Variants in TMEM61 observed in about 807,000 individuals in gnomAD.
TMEM61 encodes transmembrane protein 61.
A neutral mutation model predicts 12.0 loss-of-function variants in TMEM61; 13 were observed. The ratio of observed to expected loss-of-function variants is 1.08; its 90% CI spans 0.70 to 1.72. The LOEUF (loss-of-function observed/expected upper bound fraction) is 1.72, where lower values mean the gene tolerates loss of function less well. Ranked by LOEUF, TMEM61 falls within the 40% of genes most tolerant of loss-of-function variation. TMEM61 has a pLI of 0.00. For missense variants in TMEM61, 249 were observed against 276.9 expected, an observed-to-expected ratio of 0.90 and a Z score of 0.71; for synonymous variants, 109 against 121.4, an observed-to-expected ratio of 0.90 and a Z score of 0.67.
In TMEM61 at chr1:54,992,134, A is replaced by G. The variant is rs766382081; in HGVS notation, c.*31A>G. On this transcript the variant is annotated 3_prime_UTR_variant, in exon 3 of 3. Coordinates refer to ENST00000371268, the MANE Select transcript of TMEM61 (RefSeq NM_182532.3). ...CCTAGCAGGTCCTGAATCCAGAGACAAAAATGCCGTGCCTTCTCCAGAGTC... is the reference window on the plus strand; with the variant it reads ...CCTAGCAGGTCCTGAATCCAGAGACGAAAATGCCGTGCCTTCTCCAGAGTC... The G allele has an allele frequency of 3.1e-6, 5 of 1,599,566 alleles. No individual in the cohort carries two copies. The South Asian group carries it at 5.6e-5, about 18-fold the overall frequency.
intron 1 of TMEM61, among the ~76,000 whole-genome samples, chr1:54,983,660 T>A (rs1054632136): frequency 2.0e-5 from 3 of 152,126 alleles, no homozygotes; most frequent in African/African-American, 7.2e-5. Flanking sequence ...TGCCCACCTG[T>A]AGGGAGGCAG....
intron 1 of TMEM61, among the ~76,000 whole-genome samples, chr1:54,983,811 C>G (rs974697873): frequency 2.6e-5 from 4 of 152,114 alleles, no homozygotes; most frequent in African/African-American, 9.7e-5. Context: ...CCTCTCCTAG[C>G]TCTTTGACTT....
chr1:54,989,122 A>G (rs1264204175), intron 2 of TMEM61, among the ~76,000 whole-genome samples: 1 of 152,284 alleles, frequency 6.6e-6, no homozygotes, highest in East Asian at 1.9e-4. Context: ...TTGAGCCTCA[A>G]CTGCTTATGA....
rs1339224865 is a variant in TMEM61 at position 54,980,965 on chromosome 1, G to C, written c.-101G>C. 1.5e-6 allele frequency: 2 copies of C among 1,326,802 alleles called. No individual in the cohort carries two copies. Among genetic ancestry groups the C allele is most frequent in the Non-Finnish European group, 2.0e-6 (2 of 997,000 alleles). The allele number at this position is 1,326,802 out of a possible 1,614,324, so 82.2% of individuals were successfully genotyped here. A position where few individuals can be genotyped will look rare whatever the true frequency, so the allele number is the denominator to read the frequency against. Reference sequence around the variant, plus strand: ...CGCGCCTCCTGCAGACCCGAGGGTCGCCGCTGGTAGGGTCGCTCAGCCCTG... The same window carrying C: ...CGCGCCTCCTGCAGACCCGAGGGTCCCCGCTGGTAGGGTCGCTCAGCCCTG... On this transcript the variant is annotated 5_prime_UTR_variant, in exon 1 of 3. Transcript: ENST00000371268.
intron 2 of TMEM61, among the ~76,000 whole-genome samples, chr1:54,991,324 G>C (rs1019827345): frequency 1.3e-5 from 2 of 152,328 alleles, no homozygotes; most frequent in African/African-American, 4.8e-5. Context: ...CTGGAGGTAT[G>C]CAAGTAGAGA....
intron 1 of TMEM61, 108 bp downstream of exon 1, chr1:54,981,188 G>A: frequency 5.4e-6 from 7 of 1,288,794 alleles, no homozygotes; most frequent in East Asian, 2.8e-5. Flanking sequence ...TTGGTGGGCA[G>A]TGTGGACACC....
chr1:54,982,288 A>G (rs1396368293), intron 1 of TMEM61, among the ~76,000 whole-genome samples: 2 of 152,112 alleles, frequency 1.3e-5, no homozygotes, highest in East Asian at 1.9e-4. Flanking sequence ...AAGGGGTGCA[A>G]TGAGAGTCCT....
At chr1:54,984,614 T>C (rs1192197168) in intron 1 of TMEM61, among the ~76,000 whole-genome samples, 1 of 152,188 alleles carries the variant, frequency 6.6e-6, no homozygotes, top group Non-Finnish European at 1.5e-5. Context: ...AGCTATTATA[T>C]GCTAGGCACT....
chr1:54,987,004 A>G (rs916233083), intron 2 of TMEM61, among the ~76,000 whole-genome samples: 3 of 152,178 alleles, frequency 2.0e-5, no homozygotes, highest in African/African-American at 7.2e-5. Flanking sequence ...TGATCCTTAC[A>G]GCAGCCCTCT....
At chr1:54,987,317 T>G (rs201706655) in intron 2 of TMEM61, among the ~76,000 whole-genome samples, 1 of 152,206 alleles carries the variant, frequency 6.6e-6, no homozygotes, top group Non-Finnish European at 1.5e-5. Flanking sequence ...CAGAAGAGCA[T>G]GCACAAAGGT....
In TMEM61 at chr1:54,992,195, A is replaced by T; in HGVS notation, c.*92A>T. ...CCTGGGACACAGTAGGCACTCAGCAAACGTTCGTTGTTGAAGGCTGTTCTA... is the reference window on the plus strand; with the variant it reads ...CCTGGGACACAGTAGGCACTCAGCATACGTTCGTTGTTGAAGGCTGTTCTA... On this transcript the variant is annotated 3_prime_UTR_variant, in exon 3 of 3. Transcript: ENST00000371268. 2 of 1,471,998 alleles carry T rather than the reference A, an allele frequency of 1.4e-6. No individual in the cohort carries two copies. Among genetic ancestry groups the T allele is most frequent in the Non-Finnish European group, 1.8e-6 (2 of 1,096,328 alleles). 91.2% of individuals were successfully genotyped at this position (1,471,998 alleles called of 1,614,324 possible). A position where few individuals can be genotyped will look rare whatever the true frequency, so the allele number is the denominator to read the frequency against.
At chr1:54,989,556 C>T (rs368929563) in intron 2 of TMEM61, among the ~76,000 whole-genome samples, 2 of 152,318 alleles carry the variant, frequency 1.3e-5, no homozygotes, top group African/African-American at 2.4e-5. Flanking sequence ...ACACAGCTGC[C>T]GAGGCGCCAT....
intron 1 of TMEM61, 24 bp downstream of exon 1, chr1:54,981,104 T>C: frequency 6.3e-7 from 1 of 1,582,494 alleles, no homozygotes. Flanking sequence ...GCCTTCTCCC[T>C]CCTTTACGGG....
intron 1 of TMEM61, among the ~76,000 whole-genome samples, chr1:54,985,860 A>G (rs1481115969): frequency 6.6e-6 from 1 of 152,170 alleles, no homozygotes; most frequent in Non-Finnish European, 1.5e-5. Context: ...AAGTGGTCAT[A>G]CTTAGCTCCT....
At chr1:54,990,041 A>C (rs150005758) in intron 2 of TMEM61, among the ~76,000 whole-genome samples, 1 of 152,072 alleles carries the variant, frequency 6.6e-6, no homozygotes, top group Non-Finnish European at 1.5e-5. Flanking sequence ...AATGTGGTCC[A>C]GGTCACACAG....
intron 2 of TMEM61, among the ~76,000 whole-genome samples, chr1:54,989,638 G>A (rs906019258): frequency 3.3e-5 from 5 of 152,248 alleles, no homozygotes; most frequent in Admixed American, 6.5e-5. Flanking sequence ...TGGCATCCTC[G>A]ACTGTGACCT....
chr1:54,980,759 A>C lies in TMEM61; in HGVS notation c.-307A>C. ...ACGGCAGCCTCAGAGCCCCGCGGGG[A>C]GCGCGCAGCCCTCGGGGCGGGCGCC... On this transcript the variant is annotated 5_prime_UTR_variant, in exon 1 of 3. Coordinates refer to ENST00000371268, the MANE Select transcript of TMEM61 (RefSeq NM_182532.3). The C allele has an allele frequency of 5.6e-5, 17 of 303,388 alleles. No homozygotes were observed. Among genetic ancestry groups the C allele is most frequent in the East Asian group, 1.0e-4 (2 of 19,358 alleles). The allele number at this position is 303,388 out of a possible 1,614,324, so 18.8% of individuals were successfully genotyped here.
intron 1 of TMEM61, among the ~76,000 whole-genome samples, chr1:54,983,169 A>G (rs2495517): frequency 0.68 from 98,449 of 144,300 alleles, 35,425 homozygotes; most frequent in Non-Finnish European, 0.8. Context: ...GCTGGAGTGC[A>G]GTGACGCAAT....
At chr1:54,990,126 T>C (rs1383536814) in intron 2 of TMEM61, among the ~76,000 whole-genome samples, 1 of 152,048 alleles carries the variant, frequency 6.6e-6, no homozygotes, top group Admixed American at 6.6e-5. Flanking sequence ...TGCTGGGAGC[T>C]CAGAGGAGGG....
Sources: gnomAD v4.1 joint callset for allele counts (sites outside exome capture counted in the v4.1 genomes callset) on GRCh38, gnomAD v4.1.1 for gene constraint, MANE v1.5 for transcripts, NCBI Gene and HGNC (gene_info 2026-07-23, HGNC 2026-07-21) for gene names.